The following SQSTM1 variants were observed in gnomAD, a reference collection of about 807,000 sequenced individuals.
The protein encoded by SQSTM1 is sequestosome 1.
SQSTM1 carries 36 observed loss-of-function variants against 45.1 expected under a neutral mutation model. The ratio of observed to expected loss-of-function variants is 0.80; its 90% CI spans 0.61 to 1.05. The LOEUF is 1.05. SQSTM1 is among the 50% of genes least tolerant of loss of function. The pLI, the probability that SQSTM1 is intolerant of heterozygous loss-of-function variation, is 0.00. For synonymous variants in SQSTM1, 290 were observed against 244.3 expected (o/e 1.19, Z -1.74); for missense variants, 617 against 607.1 (o/e 1.02, Z -0.17).
intron 1 of SQSTM1, chr5:179,808,157 G>A (rs1757264018): frequency 6.6e-6 from 1 of 152,330 alleles, no homozygotes; most frequent in African/African-American, 2.4e-5. Context: ...GAGGCCCGAG[G>A]GGCTGGACTC....
chr5:179,832,405 C>T (rs929184724), intron 5 of SQSTM1, among the ~76,000 whole-genome samples: 3 of 152,230 alleles, frequency 2.0e-5, no homozygotes, highest in African/African-American at 2.4e-5. Context: ...GTGGGGCCAG[C>T]GTTGGGCCCT....
rs945990843 is a variant in SQSTM1, at chr5:179,806,712, G to T, written c.-157+121G>T. ...CCCCGGCCCCGGGTCGGGGAGGGGC[G>T]GGGGGCCCGGGGCCGGGCGGGGACC... is the stretch of plus-strand genomic sequence containing the variant. On this transcript the variant is annotated intron_variant, in intron 1 of 5. Coordinates refer to the SQSTM1 transcript ENST00000514093. The surrounding 1 kb of genome is among the most constrained non-coding windows in gnomAD (Gnocchi z 4.6). 2.2e-5 allele frequency: 4 copies of T among 183,148 alleles called. No homozygotes were observed. Among genetic ancestry groups the T allele is most frequent in the South Asian group, 1.6e-4 (1 of 6,108 alleles). The allele number at this position is 183,148 out of a possible 1,614,324, so 11.3% of individuals were successfully genotyped here.
chr5:179,830,809 G>A (rs148508806), intron 5 of SQSTM1, among the ~76,000 whole-genome samples: 4 of 152,146 alleles, frequency 2.6e-5, no homozygotes, highest in African/African-American at 7.2e-5. Flanking sequence ...ACCTGCCTTC[G>A]TCTCCCAAAG....
chr5:179,822,840 G>C (rs540994663), intron 1 of SQSTM1, 118 bp from the exon 2 acceptor site: 222 of 845,618 alleles, frequency 2.6e-4, no homozygotes, highest in Non-Finnish European at 3.6e-4. Flanking sequence ...GGCTCAAGTA[G>C]GTGTGTTTGT....
In SQSTM1 at chr5:179,823,909, C is replaced by T. The variant is rs1401633606; in HGVS notation, c.353C>T (p.Pro118Leu). The T allele has an allele frequency of 2.5e-6, 4 of 1,613,586 alleles. No homozygotes were observed. The South Asian group carries it at 4.4e-5, about 18-fold the overall frequency. Residue 118 changes from proline to leucine, a missense_variant, in exon 3 of 8, where the codon CCC (proline) becomes CTC (leucine). Transcript: ENST00000389805. ...DHRPPCAQEA[P>L]RNMVHPNVIC... ...CGCCCACCGTGTGCTCAGGAGGCGC[C>T]CCGCAACATGGTGCACCCCAATGTG...
At chr5:179,815,654 C>T (rs868390921), upstream of SQSTM1, among the ~76,000 whole-genome samples, 2 of 152,138 alleles carry the variant, frequency 1.3e-5, no homozygotes, top group Non-Finnish European at 2.9e-5. Flanking sequence ...CGTCCGCCAG[C>T]GTGGGTCACA....
At chr5:179,833,320 C>A in intron 6 of SQSTM1, 74 bp downstream of exon 6, 2 of 1,379,860 alleles carry the variant, frequency 1.4e-6, no homozygotes, top group East Asian at 2.5e-5. Context: ...TCCGCCTCAT[C>A]CTCAGCACCT....
Position 179,824,290 on chromosome 5 carries a change from G to A in SQSTM1, c.640G>A (p.Gly214Arg), listed in dbSNP as rs1434631843. The stretch of plus-strand genomic sequence containing the variant: ...CTGGAGCCCACGTCCTCCTCGTGCA[G>A]GGGAGGCCCGCCCTGGCCCCACGGC... ...GNWSPRPPRAGEARPGPTAES... is the reference protein window; with the variant it reads ...GNWSPRPPRAREARPGPTAES... The change falls in exon 4 of 8, where the codon GGG (glycine) becomes AGG (arginine). Residue 214 changes from glycine to arginine, a missense_variant. By Grantham distance (125) the Gly-to-Arg change is moderately radical. Coordinates refer to ENST00000389805, the MANE Select transcript of SQSTM1 (RefSeq NM_003900.5). The A allele has an allele frequency of 6.2e-7, 1 of 1,613,646 alleles. No individual in the cohort carries two copies. Among genetic ancestry groups the A allele is most frequent in the Non-Finnish European group, 8.5e-7 (1 of 1,180,056 alleles).
At position 179,837,326 on chromosome 5, in the gene SQSTM1, G is replaced by A; in HGVS notation, c.*733G>A. The A allele has an allele frequency of 6.3e-7, 1 of 1,587,528 alleles. No homozygotes were observed. Among genetic ancestry groups the A allele is most frequent in the Non-Finnish European group, 8.6e-7 (1 of 1,166,168 alleles). The stretch of plus-strand genomic sequence containing the variant: ...TGGTTCTTACAGAGTATCTTTAAAA[G>A]TGCCTTAGGGGAACCCTGTCCCTCC... On this transcript the variant is annotated 3_prime_UTR_variant, in exon 8 of 8. Coordinates refer to ENST00000389805, the MANE Select transcript of SQSTM1 (RefSeq NM_003900.5).
intron 5 of SQSTM1, among the ~76,000 whole-genome samples, chr5:179,830,577 C>G (rs1392676074): frequency 6.6e-6 from 1 of 151,320 alleles, no homozygotes; most frequent in Non-Finnish European, 1.5e-5. Flanking sequence ...TTCCCCACCC[C>G]CGAGTCAGAG....
Position 179,833,123 on chromosome 5 carries a change from C to T in SQSTM1, c.846C>T (p.Ser282=). The T allele has an allele frequency of 6.2e-7, 1 of 1,614,212 alleles. No homozygotes were observed. Among genetic ancestry groups the T allele is most frequent in the Non-Finnish European group, 8.5e-7 (1 of 1,180,038 alleles). The change falls in exon 6 of 8, where the codon AGC becomes AGT. Residue 282 remains serine, a synonymous_variant. Transcript: ENST00000389805. ...AGAGTTCCAGCACAGAGGAGAAGAG[C>T]AGCTCACAGCCAAGCAGCTGCTGCT... ...SPESSSTEEK[S]SSQPSSCCSD... is the part of the protein sequence containing the mutation.
chr5:179,819,558 G>T (rs1757693728), upstream of SQSTM1, among the ~76,000 whole-genome samples: 1 of 152,246 alleles, frequency 6.6e-6, no homozygotes, highest in Non-Finnish European at 1.5e-5. Flanking sequence ...CTCGGCGGGG[G>T]CCACGTGGCT....
intron 1 of SQSTM1, among the ~76,000 whole-genome samples, chr5:179,809,628 C>T (rs1005574044): frequency 7.3e-6 from 1 of 137,352 alleles, no homozygotes; most frequent in South Asian, 2.4e-4. Context: ...TGAGCCACTG[C>T]GCCTGGCCCT....
chr5:179,837,620 CTGGGGGTCCCTTGCTT>C lies in SQSTM1; in HGVS notation c.*1028_*1043del. On this transcript the variant is annotated 3_prime_UTR_variant, in exon 8 of 8. Transcript: ENST00000389805. ...GAGGCCTTCTCTTGAGGCCTGTGCTCTGGGGGTCCCTTGCTTAGCCTGTGCTGGACCAGCTGGCCTG... is the reference window on the plus strand; with the variant it reads ...GAGGCCTTCTCTTGAGGCCTGTGCTCAGCCTGTGCTGGACCAGCTGGCCTG... 6.2e-7 allele frequency: 1 copy of C among 1,614,218 alleles called. No individual in the cohort carries two copies. The highest frequency in any genetic ancestry group is 8.5e-7 in the Non-Finnish European group (1 of 1,180,042).
At position 179,833,220 on chromosome 5, in the gene SQSTM1, G is replaced by T; in HGVS notation, c.943G>T (p.Ala315Ser). The change falls in exon 6 of 8, where the codon GCC becomes TCC. Residue 315 changes from alanine (A) to serine (S), a missense_variant. Physicochemically the swap from Ala to Ser is moderately conservative, Grantham distance 99. Coordinates refer to ENST00000389805, the MANE Select transcript of SQSTM1 (RefSeq NM_003900.5). ...TCTGGCGGAGCAGATGAGGAAGATC[G>T]CCTTGGAGTCCGAGGGGCGCCCTGA... ...QSLAEQMRKI[A>S]LESEGRPEEQ... The T allele has an allele frequency of 6.2e-7, 1 of 1,603,268 alleles. No individual in the cohort carries two copies. Among genetic ancestry groups the T allele is most frequent in the South Asian group, 1.1e-5 (1 of 90,216 alleles).
Position 179,837,268 on chromosome 5 carries a change from G to GAGAGAAAT in SQSTM1, c.*676_*683dup, listed in dbSNP as rs1477429930. 1 of 1,605,568 alleles carries GAGAGAAAT rather than the reference G, an allele frequency of 6.2e-7. No individual in the cohort carries two copies. The highest frequency in any genetic ancestry group is 8.5e-7 in the Non-Finnish European group (1 of 1,178,970). ...CACTTTAACCAATGACGTTTGCATAGAGAGAAATGATTGACAGTAAGTTTA... is the reference window on the plus strand; with the variant it reads ...CACTTTAACCAATGACGTTTGCATAGAGAGAAATAGAGAAATGATTGACAGTAAGTTTA... On this transcript the variant is annotated 3_prime_UTR_variant, in exon 8 of 8. Coordinates refer to ENST00000389805, the MANE Select transcript of SQSTM1 (RefSeq NM_003900.5).
At chr5:179,822,021 G>C (rs1343975326) in intron 1 of SQSTM1, among the ~76,000 whole-genome samples, 2 of 152,274 alleles carry the variant, frequency 1.3e-5, no homozygotes, top group African/African-American at 2.4e-5. Flanking sequence ...CAAGTCAGTG[G>C]TTTTCACTAT....
intron 5 of SQSTM1, 103 bp from the exon 6 acceptor site, chr5:179,832,929 G>T: frequency 1.7e-6 from 2 of 1,191,024 alleles, no homozygotes; most frequent in South Asian, 1.2e-5. Flanking sequence ...GGGACTGAAC[G>T]TTGAGATCTT....
In SQSTM1 at chr5:179,837,804, C is replaced by G. The variant is rs1758672550; in HGVS notation, c.*1211C>G. ...AGCTCCTTCCCAGGACCCCTCAGCT[C>G]CCCGGCACTGCAGTCTGCAGAGTTC... On this transcript the variant is annotated 3_prime_UTR_variant, in exon 8 of 8. Transcript: ENST00000389805. The G allele has an allele frequency of 6.2e-7, 1 of 1,613,918 alleles. No homozygotes were observed. The highest frequency in any genetic ancestry group is 1.1e-5 in the South Asian group (1 of 91,092).
Sources: allele counts gnomAD v4.1 joint callset (sites outside exome capture counted in the v4.1 genomes callset), GRCh38; gene constraint gnomAD v4.1.1; non-coding constraint Gnocchi (gnomAD v3.1); transcripts MANE v1.5; gene names NCBI Gene and HGNC (gene_info 2026-07-23, HGNC 2026-07-21).